Variants in CHST10 observed in about 807,000 individuals in gnomAD.
CHST10 encodes the protein carbohydrate sulfotransferase 10.
Under a neutral mutation model 34.7 loss-of-function variants are expected in CHST10, and 24 were observed. The observed-to-expected ratio is 0.69, with a 90% CI of 0.50 to 0.97. The LOEUF (loss-of-function observed/expected upper bound fraction) is 0.97, where lower values mean the gene tolerates loss of function less well. Among genes scored for constraint, CHST10 ranks in the 50% least tolerant of loss-of-function variants. The pLI, the probability that CHST10 is intolerant of heterozygous loss-of-function variation, is 0.00. For missense variants in CHST10, 402 were observed against 452.1 expected (o/e 0.89, Z 1.00); for synonymous variants, 161 against 169.3 (o/e 0.95, Z 0.38).
chr2:100,393,081 G>A lies in CHST10; in HGVS notation c.*164C>T. The A allele has an allele frequency of 1.5e-6, 1 of 673,050 alleles. No individual in the cohort carries two copies. Among genetic ancestry groups the A allele is most frequent in the Non-Finnish European group, 2.5e-6 (1 of 395,874 alleles). The allele number at this position is 673,050 out of a possible 1,614,324, so 41.7% of individuals were successfully genotyped here. A position where few individuals can be genotyped will look rare whatever the true frequency, so the allele number is the denominator to read the frequency against. The stretch of plus-strand genomic sequence containing the variant: ...CTTACATCCAAACTAAGTTGTAACA[G>A]TTGGGGTTCTGCGTCATATGCCGAG... On this transcript the variant is annotated 3_prime_UTR_variant, in exon 7 of 7. Transcript: ENST00000264249.
intron 3 of CHST10, among the ~76,000 whole-genome samples, chr2:100,404,081 C>T (rs1050623894): frequency 4.6e-5 from 7 of 152,366 alleles, no homozygotes. Context: ...CATCCTGCAT[C>T]CAGAACTCAG....
In CHST10 at chr2:100,402,589, T is replaced by C. The variant is rs1675393381; in HGVS notation, c.167A>G (p.Glu56Gly). ...CTTCAGTTCCTCAGGAATGTGCTTC[T>C]CTTCTGGCAACTTCCTCACTTCCGG... ...TMPEVRKLPE[E>G]KHIPEELKPT... Residue 56 changes from glutamate (E) to glycine (G), a missense_variant, in exon 4 of 7, where the codon GAG (glutamate) becomes GGG (glycine). By Grantham distance (98) the Glu-to-Gly change is moderately conservative. Coordinates refer to ENST00000264249, the MANE Select transcript of CHST10 (RefSeq NM_004854.5). The C allele has an allele frequency of 3.7e-6, 6 of 1,613,920 alleles. No individual in the cohort carries two copies. The highest frequency in any genetic ancestry group is 1.7e-4 in the Middle Eastern group (1 of 6,022).
chr2:100,405,037 G>A (rs1675508274), intron 3 of CHST10, among the ~76,000 whole-genome samples: 1 of 152,188 alleles, frequency 6.6e-6, no homozygotes, highest in Non-Finnish European at 1.5e-5. Flanking sequence ...AGTCCCACAG[G>A]TGATTCTGAA....
chr2:100,402,128 T>G (rs1558639194), intron 4 of CHST10, among the ~76,000 whole-genome samples: 1 of 152,218 alleles, frequency 6.6e-6, no homozygotes, highest in Non-Finnish European at 1.5e-5. Context: ...AGGATCCACC[T>G]TTTTTCTAGG....
intron 1 of CHST10, chr2:100,416,985 G>C: frequency 1.5e-6 from 2 of 1,304,146 alleles, no homozygotes; most frequent in Non-Finnish European, 2.0e-6. Flanking sequence ...GACTCCCCTC[G>C]CACCGAAGCT....
chr2:100,401,528 A>T (rs1416731927), intron 4 of CHST10, among the ~76,000 whole-genome samples: 3 of 152,014 alleles, frequency 2.0e-5, no homozygotes, highest in Non-Finnish European at 2.9e-5. Context: ...GGCTTACCCT[A>T]CCTTTGTTTT....
chr2:100,414,130 T>C (rs116257506), intron 2 of CHST10, among the ~76,000 whole-genome samples: 2,705 of 152,204 alleles, frequency 0.018, 29 homozygotes, highest in African/African-American at 0.035. Context: ...GGACAGATTG[T>C]GGGAGCAAGC....
At chr2:100,416,610 T>C (rs1353483850) in intron 1 of CHST10, 1 of 209,068 alleles carries the variant, frequency 4.8e-6, no homozygotes, top group African/African-American at 2.3e-5. Context: ...GTCTGAGACA[T>C]TTCTCACTCT....
intron 3 of CHST10, 108 bp downstream of exon 3, chr2:100,406,468 G>C (rs1158601075): frequency 2.1e-6 from 3 of 1,423,222 alleles, no homozygotes; most frequent in African/African-American, 2.8e-5. Flanking sequence ...CTGCTGGCAT[G>C]AAAGTCCTTT....
intron 3 of CHST10, among the ~76,000 whole-genome samples, chr2:100,405,105 G>C (rs1321441034): frequency 6.6e-6 from 1 of 152,204 alleles, no homozygotes; most frequent in Non-Finnish European, 1.5e-5. Flanking sequence ...TCAGTGGCAT[G>C]GCACTGTGCT....
chr2:100,402,225 G>A (rs1044288486), intron 4 of CHST10, among the ~76,000 whole-genome samples: 1 of 152,132 alleles, frequency 6.6e-6, no homozygotes, highest in African/African-American at 2.4e-5. Context: ...CCCATGACTG[G>A]GTGAGATGTC....
chr2:100,411,944 T>C (rs1675861383), intron 2 of CHST10, among the ~76,000 whole-genome samples: 2 of 152,124 alleles, frequency 1.3e-5, no homozygotes, highest in South Asian at 2.1e-4. Flanking sequence ...CGCAGGCCCA[T>C]GTGGCTGGAG....
chr2:100,413,234 C>A (rs1309064003), intron 2 of CHST10, among the ~76,000 whole-genome samples: 13 of 152,204 alleles, frequency 8.5e-5, no homozygotes, highest in Admixed American at 8.5e-4. Flanking sequence ...GGAGCCAAGA[C>A]AACTCTCAGA....
At chr2:100,396,296 A>T (rs1675056348) in intron 5 of CHST10, among the ~76,000 whole-genome samples, 1 of 152,246 alleles carries the variant, frequency 6.6e-6, no homozygotes, top group South Asian at 2.1e-4. Flanking sequence ...GTCATCAGGG[A>T]CCAGTGCAGG....
Position 100,406,944 on chromosome 2 carries a change from A to G in CHST10, c.-32-237T>C, listed in dbSNP as rs552031876. On this transcript the variant is annotated intron_variant, in intron 2 of 6. Coordinates refer to ENST00000264249, the MANE Select transcript of CHST10 (RefSeq NM_004854.5). ...AACACCCTAATGGAGAGACATGATA[A>G]TGAGAGAAGACCACTTCCTTGTGTT... 3.3e-5 allele frequency among the ~76,000 whole-genome samples: 5 copies of G among 152,356 alleles called. No individual in the cohort carries two copies. The South Asian group carries it at 1.0e-3, about 32-fold the overall frequency.
chr2:100,411,287 T>G (rs533438661), intron 2 of CHST10, among the ~76,000 whole-genome samples: 3 of 152,182 alleles, frequency 2.0e-5, no homozygotes, highest in Admixed American at 2.0e-4. Flanking sequence ...AATTTTTATA[T>G]TTTTAGTAGA....
chr2:100,393,568 T>C lies in CHST10; in HGVS notation c.748A>G (p.Arg250Gly). Reference sequence around the variant, plus strand: ...TCCCCAAACTGAAGGTCTAGCCATCTGTGGTTCGGATCGCCGAGGTAGCGC... The same window carrying C: ...TCCCCAAACTGAAGGTCTAGCCATCCGTGGTTCGGATCGCCGAGGTAGCGC... ...FVRYLGDPNH[R>G]WLDLQFGDHI... Residue 250 changes from arginine (R) to glycine (G), a missense_variant, in exon 7 of 7, where the codon AGA becomes GGA. By Grantham distance (125) the Arg-to-Gly change is moderately radical. Transcript: ENST00000264249. The C allele has an allele frequency of 6.2e-7, 1 of 1,614,186 alleles. No individual in the cohort carries two copies. The highest frequency in any genetic ancestry group is 8.5e-7 in the Non-Finnish European group (1 of 1,180,032).
intron 5 of CHST10, among the ~76,000 whole-genome samples, chr2:100,396,456 T>C (rs1423774596): frequency 1.3e-5 from 2 of 152,226 alleles, no homozygotes; most frequent in African/African-American, 2.4e-5. Flanking sequence ...AATATCCATC[T>C]TTGTGTTAAT....
At chr2:100,402,300 G>A (rs1420750474) in intron 4 of CHST10, among the ~76,000 whole-genome samples, 4 of 152,204 alleles carry the variant, frequency 2.6e-5, no homozygotes, top group Non-Finnish European at 1.5e-5. Context: ...CAAGGCTCAT[G>A]TTCAGCTGGT....
Sources: allele counts gnomAD v4.1 joint callset (sites outside exome capture counted in the v4.1 genomes callset), GRCh38; gene constraint gnomAD v4.1.1; transcripts MANE v1.5; gene names NCBI Gene and HGNC (gene_info 2026-07-23, HGNC 2026-07-21).